The following LUZP2 variants were observed in gnomAD, a reference collection of about 807,000 sequenced individuals.
LUZP2 encodes the protein leucine zipper protein 2.
In LUZP2, 52 loss-of-function variants were observed where a neutral mutation model predicts 51.6. That is an observed-to-expected ratio of 1.01 (90% CI 0.81 to 1.27). The LOEUF is 1.27. Among genes scored for constraint, LUZP2 ranks in the 50% most tolerant of loss-of-function variants. The pLI, the probability that LUZP2 is intolerant of heterozygous loss-of-function variation, is 0.00. For missense variants in LUZP2, 436 were observed against 395.4 expected (o/e 1.10, Z -0.87); for synonymous variants, 154 against 137.3 (o/e 1.12, Z -0.85).
intron 9 of LUZP2, among the ~76,000 whole-genome samples, chr11:25,010,162 C>A (rs372952317): frequency 1.3e-5 from 2 of 152,098 alleles, no homozygotes; most frequent in African/African-American, 2.4e-5. Flanking sequence ...ATTCAAGTAA[C>A]CTTAAATTCA....
At chr11:24,769,673 A>C (rs947544319) in intron 5 of LUZP2, among the ~76,000 whole-genome samples, 12 of 139,814 alleles carry the variant, frequency 8.6e-5, no homozygotes, top group African/African-American at 3.5e-4. Flanking sequence ...TTTTTTCCTT[A>C]TTTTCTTCTA....
At chr11:25,017,244 T>C (rs1376069697) in intron 9 of LUZP2, among the ~76,000 whole-genome samples, 1 of 152,196 alleles carries the variant, frequency 6.6e-6, no homozygotes, top group Non-Finnish European at 1.5e-5. Context: ...GATGATGATT[T>C]ATTTTTCTAT....
intron 7 of LUZP2, among the ~76,000 whole-genome samples, chr11:24,966,042 T>G (rs1855572220): frequency 6.6e-6 from 1 of 151,716 alleles, no homozygotes; most frequent in African/African-American, 2.4e-5. Flanking sequence ...TACACTTAAG[T>G]TTTCTAGGGG....
intron 10 of LUZP2, among the ~76,000 whole-genome samples, chr11:25,054,915 A>C (rs1858631256): frequency 1.3e-5 from 2 of 149,608 alleles, no homozygotes; most frequent in Middle Eastern, 3.5e-3. Context: ...TTTCTTTGCA[A>C]ATAATAAGAC....
chr11:24,957,971 A>T (rs1171867268), intron 7 of LUZP2, among the ~76,000 whole-genome samples: 1 of 152,042 alleles, frequency 6.6e-6, no homozygotes, highest in Non-Finnish European at 1.5e-5. Context: ...CTCATTGTTC[A>T]GTTCCCACCT....
intron 1 of LUZP2, among the ~76,000 whole-genome samples, chr11:24,712,647 C>G (rs1468577383): frequency 6.6e-6 from 1 of 152,006 alleles, no homozygotes; most frequent in Non-Finnish European, 1.5e-5. Context: ...TGGTTAATGA[C>G]TTAGCAAGAT....
chr11:24,881,865 G>C (rs1337554368), intron 5 of LUZP2, among the ~76,000 whole-genome samples: 5 of 151,890 alleles, frequency 3.3e-5, no homozygotes, highest in African/African-American at 1.2e-4. Context: ...ATGTATACTT[G>C]TAAAATATGT....
chr11:24,744,816 T>C (rs1859318292), intron 4 of LUZP2, among the ~76,000 whole-genome samples: 1 of 152,118 alleles, frequency 6.6e-6, no homozygotes, highest in East Asian at 1.9e-4. Context: ...CAGTTTGTGC[T>C]CTTTCAGTCT....
At chr11:24,531,566 C>T (rs1308279370) in intron 1 of LUZP2, among the ~76,000 whole-genome samples, 6 of 150,822 alleles carry the variant, frequency 4.0e-5, no homozygotes, top group African/African-American at 1.5e-4. Context: ...TATTAGCCCA[C>T]CTCTGGCTAA....
At chr11:24,715,090 T>G (rs1857984986) in intron 1 of LUZP2, among the ~76,000 whole-genome samples, 1 of 152,112 alleles carries the variant, frequency 6.6e-6, no homozygotes, top group South Asian at 2.1e-4. Flanking sequence ...CTGCTGACAA[T>G]GCTGGTATAT....
chr11:24,730,164 T>C (rs1168236638), intron 2 of LUZP2, among the ~76,000 whole-genome samples: 2 of 151,858 alleles, frequency 1.3e-5, no homozygotes, highest in Admixed American at 6.6e-5. Flanking sequence ...GTGGTGGTAT[T>C]AGTAGCCACT....
chr11:24,646,697 T>A, intron 1 of LUZP2: 1 of 617,842 alleles, frequency 1.6e-6, no homozygotes, highest in Non-Finnish European at 2.0e-6. Flanking sequence ...TGCTGATGTC[T>A]CATTGGCCAT....
At chr11:25,003,658 A>G (rs1856756036) in intron 9 of LUZP2, among the ~76,000 whole-genome samples, 1 of 152,126 alleles carries the variant, frequency 6.6e-6, no homozygotes, top group Admixed American at 6.6e-5. Flanking sequence ...CTTAAGGGAT[A>G]TTGCCTATGA....
At chr11:24,513,256 A>T (rs1049374067) in intron 1 of LUZP2, among the ~76,000 whole-genome samples, 1 of 152,330 alleles carries the variant, frequency 6.6e-6, no homozygotes, top group Admixed American at 6.5e-5. Context: ...GCTAAAAATT[A>T]AGTCCCCCTT....
At chr11:24,743,288 C>T (rs1027376103) in intron 4 of LUZP2, among the ~76,000 whole-genome samples, 4 of 151,906 alleles carry the variant, frequency 2.6e-5, no homozygotes, top group African/African-American at 9.7e-5. Flanking sequence ...GCAGTATGGC[C>T]GTTTTCACAA....
intron 7 of LUZP2, among the ~76,000 whole-genome samples, chr11:24,967,047 A>G (rs910237283): frequency 4.8e-4 from 73 of 151,596 alleles, no homozygotes; most frequent in Admixed American, 9.9e-4. Flanking sequence ...ATTTGGGTCA[A>G]TTTCCAGATT....
In LUZP2 at chr11:25,030,883, T is replaced by TATATATAATATATATATA. The variant is rs1857627188; in HGVS notation, c.766-19148_766-19147insATATATATATAATATATA. 8.3e-4 allele frequency among the ~76,000 whole-genome samples: 13 copies of TATATATAATATATATATA among 15,700 alleles called. No individual in the cohort carries two copies. In the East Asian group the frequency reaches 0.11, roughly 136 times the overall value. 10.3% of individuals were successfully genotyped at this position (15,700 alleles called of 152,430 possible). On this transcript the variant is annotated intron_variant, in intron 9 of 11. Coordinates refer to ENST00000336930, the MANE Select transcript of LUZP2 (RefSeq NM_001009909.4). ...GTGTGTTTGTGTATATGTGTGTTAC[T>TATATATAATATATATATA]ATATATATTATATATATATATAATA...
At chr11:24,929,114 T>C (rs1301464809) in intron 7 of LUZP2, among the ~76,000 whole-genome samples, 2 of 151,914 alleles carry the variant, frequency 1.3e-5, no homozygotes, top group Non-Finnish European at 2.9e-5. Context: ...CTTATTTGGA[T>C]TGTCTCTTCT....
At chr11:24,927,406 TA>T (rs1854312323) in intron 7 of LUZP2, among the ~76,000 whole-genome samples, 1 of 152,148 alleles carries the variant, frequency 6.6e-6, no homozygotes, top group African/African-American at 2.4e-5. Context: ...TAGATTTAAC[TA>T]TTTGATCCAT....
Sources: allele counts gnomAD v4.1 joint callset (sites outside exome capture counted in the v4.1 genomes callset), GRCh38; gene constraint gnomAD v4.1.1; transcripts MANE v1.5; gene names NCBI Gene and HGNC (gene_info 2026-07-23, HGNC 2026-07-21).